The following WDR7 variants were observed in gnomAD, a reference collection of about 807,000 sequenced individuals.
WDR7 encodes WD repeat domain 7, also known as WD repeat-containing protein 7.
WDR7 carries 46 observed loss-of-function variants against 169.4 expected under a neutral mutation model. That is an observed-to-expected ratio of 0.27 (90% CI 0.21 to 0.35). The LOEUF (loss-of-function observed/expected upper bound fraction) is 0.35, where lower values mean the gene tolerates loss of function less well. Ranked by LOEUF, WDR7 falls within the 10% of genes least tolerant of loss-of-function variation. WDR7 has a pLI of 1.00. For missense variants in WDR7, 1,534 were observed against 1,859.3 expected, an observed-to-expected ratio of 0.83 and a Z score of 3.22; for synonymous variants, 612 against 666.8, an observed-to-expected ratio of 0.92 and a Z score of 1.27.
chr18:56,672,757 T>C, intron 2 of WDR7, 83 bp downstream of exon 2: 2 of 1,295,382 alleles, frequency 1.5e-6, no homozygotes, highest in Non-Finnish European at 2.0e-6. Flanking sequence ...AATGATGCTT[T>C]TGGGCCCACA....
chr18:56,835,077 C>T (rs2045375334), intron 20 of WDR7, among the ~76,000 whole-genome samples: 1 of 152,152 alleles, frequency 6.6e-6, no homozygotes, highest in South Asian at 2.1e-4. Flanking sequence ...GGTTTTTCAA[C>T]TCAATATAAA....
rs139894268 is a variant in WDR7, at chr18:56,822,924, TA to T, written c.3304+6788del. Among the ~76,000 whole-genome samples the T allele has an allele frequency of 2.8e-3, 425 of 152,168 alleles. 1 individual carries two copies. The highest frequency in any genetic ancestry group is 3.5e-3 in the Non-Finnish European group (241 of 67,998). On this transcript the variant is annotated intron_variant, in intron 20 of 27. Coordinates refer to ENST00000254442, the MANE Select transcript of WDR7 (RefSeq NM_015285.3). ...AATAATTTACCTTTTTGTCCTTTTT[TA>T]AAAAAAATCTGGGAGAAGAAACCGT... is the stretch of plus-strand genomic sequence containing the variant.
At chr18:56,923,837 A>C (rs2046762671) in intron 21 of WDR7, 85 bp from the exon 22 acceptor site, 2 of 1,299,846 alleles carry the variant, frequency 1.5e-6, no homozygotes, top group Non-Finnish European at 2.0e-6. Flanking sequence ...TCAAAAATGG[A>C]TTATATTTTG....
At chr18:56,989,084 A>G (rs1352795089) in intron 26 of WDR7, among the ~76,000 whole-genome samples, 4 of 68,022 alleles carry the variant, frequency 5.9e-5, no homozygotes, top group East Asian at 2.7e-4. Context: ...TGGTTTTTTG[A>G]AAAAAAAAAA....
intron 26 of WDR7, among the ~76,000 whole-genome samples, chr18:57,007,258 C>A (rs933266973): frequency 6.6e-6 from 1 of 152,092 alleles, no homozygotes; most frequent in African/African-American, 2.4e-5. Context: ...GGATTACAGG[C>A]GTGAGCCACC....
chr18:56,708,841 G>A (rs960433461), intron 12 of WDR7, among the ~76,000 whole-genome samples: 13 of 152,142 alleles, frequency 8.5e-5, no homozygotes, highest in African/African-American at 3.1e-4. Context: ...AGAGACTGAG[G>A]TAGGAGAATC....
intron 20 of WDR7, among the ~76,000 whole-genome samples, chr18:56,854,126 G>A (rs1188509945): frequency 6.6e-6 from 1 of 152,124 alleles, no homozygotes; most frequent in Non-Finnish European, 1.5e-5. Flanking sequence ...AAATGTACGG[G>A]GATTTCTCCC....
chr18:56,731,666 G>A (rs1178152969), intron 14 of WDR7, 69 bp downstream of exon 14: 26 of 1,301,400 alleles, frequency 2.0e-5, no homozygotes, highest in Non-Finnish European at 2.6e-5. Context: ...CATGGCTTTG[G>A]CATATCTTAG....
At chr18:56,926,509 T>A (rs1005552905) in intron 22 of WDR7, among the ~76,000 whole-genome samples, 27 of 152,320 alleles carry the variant, frequency 1.8e-4, no homozygotes, top group African/African-American at 6.5e-4. Context: ...GGTTAGTATT[T>A]AATATTTTGT....
At chr18:56,806,441 G>T (rs2044774673) in intron 19 of WDR7, among the ~76,000 whole-genome samples, 1 of 152,060 alleles carries the variant, frequency 6.6e-6, no homozygotes, top group Non-Finnish European at 1.5e-5. Flanking sequence ...GAAAACTTCT[G>T]TAAAACATGT....
intron 20 of WDR7, among the ~76,000 whole-genome samples, chr18:56,819,174 C>T (rs1317104503): frequency 6.6e-6 from 1 of 152,076 alleles, no homozygotes; most frequent in Non-Finnish European, 1.5e-5. Context: ...AGCCTAGTAG[C>T]CTTTGTTAGC....
Position 56,682,827 on chromosome 18 carries a change from G to C in WDR7, c.494G>C (p.Ser165Thr), listed in dbSNP as rs1436649014. The change falls in exon 5 of 28, where the codon AGT becomes ACT. Residue 165 changes from serine to threonine, a missense_variant. Transcript: ENST00000254442. ...TCACCAGACTGGATTAGCTCCATGA[G>C]TATTATTCGATCCCACCGAACACAA... ...KISPDWISSM[S>T]IIRSHRTQED... The C allele has an allele frequency of 1.2e-5, 19 of 1,613,512 alleles. No individual in the cohort carries two copies. Among genetic ancestry groups the C allele is most frequent in the Non-Finnish European group, 1.6e-5 (19 of 1,179,708 alleles).
At chr18:56,831,541 C>T (rs1261567424) in intron 20 of WDR7, among the ~76,000 whole-genome samples, 2 of 152,118 alleles carry the variant, frequency 1.3e-5, no homozygotes, top group Non-Finnish European at 2.9e-5. Context: ...TTAAAACATT[C>T]TGAAGATGGC....
In WDR7 at chr18:56,757,273, A is replaced by T; in HGVS notation, c.2680A>T (p.Ile894Phe). ...CGTCACCACACAGCATCTCCTGTCT[A>T]TCATTTCTTTGGCAAATACTTTAAT... ...RAVTTQHLLS[I>F]ISLANTLMSM... The change falls in exon 15 of 28, where the codon ATC becomes TTC. Residue 894 changes from isoleucine (I) to phenylalanine (F), a missense_variant. By Grantham distance (21) the Ile-to-Phe change is conservative. Coordinates refer to ENST00000254442, the MANE Select transcript of WDR7 (RefSeq NM_015285.3). The T allele has an allele frequency of 6.2e-7, 1 of 1,614,190 alleles. No individual in the cohort carries two copies. Among genetic ancestry groups the T allele is most frequent in the Non-Finnish European group, 8.5e-7 (1 of 1,180,028 alleles).
chr18:56,927,163 C>T (rs1000935694), intron 22 of WDR7, among the ~76,000 whole-genome samples: 1 of 152,114 alleles, frequency 6.6e-6, no homozygotes, highest in Non-Finnish European at 1.5e-5. Context: ...AGGGGTTTTG[C>T]GGAGGGGCAA....
intron 26 of WDR7, among the ~76,000 whole-genome samples, chr18:56,983,231 G>A (rs562704930): frequency 1.6e-3 from 242 of 152,160 alleles, no homozygotes; most frequent in Non-Finnish European, 2.5e-3. Flanking sequence ...ATTTGATAAT[G>A]AAAAGGTTCC....
chr18:57,010,980 A>T (rs2048128020), intron 26 of WDR7, among the ~76,000 whole-genome samples: 1 of 152,156 alleles, frequency 6.6e-6, no homozygotes, highest in Non-Finnish European at 1.5e-5. Context: ...TTAAATGTTT[A>T]TTCTCTATTT....
chr18:56,748,672 G>A (rs1186269852), intron 14 of WDR7, among the ~76,000 whole-genome samples: 1 of 151,994 alleles, frequency 6.6e-6, no homozygotes, highest in African/African-American at 2.4e-5. Flanking sequence ...CATATGAAAA[G>A]TCAAATAACA....
intron 26 of WDR7, among the ~76,000 whole-genome samples, chr18:57,006,943 A>G (rs1340626728): frequency 6.6e-6 from 1 of 152,024 alleles, no homozygotes; most frequent in East Asian, 1.9e-4. Flanking sequence ...AAATATATAC[A>G]AGTTCCAGTT....
Sources: gnomAD v4.1 joint callset for allele counts (sites outside exome capture counted in the v4.1 genomes callset) on GRCh38, gnomAD v4.1.1 for gene constraint, MANE v1.5 for transcripts, NCBI Gene and HGNC (gene_info 2026-07-23, HGNC 2026-07-21) for gene names.